Variants in SHISA9 observed in about 807,000 individuals in gnomAD.
SHISA9 encodes the protein protein shisa-9.
A neutral mutation model predicts 38.0 loss-of-function variants in SHISA9; 13 were observed. The observed-to-expected ratio is 0.34, with a 90% CI of 0.22 to 0.54. SHISA9 has a LOEUF of 0.54. SHISA9 is among the 20% of genes least tolerant of loss of function. SHISA9 has a pLI of 0.91. For synonymous variants in SHISA9, 275 were observed against 242.0 expected (o/e 1.14, Z -1.27); for missense variants, 538 against 575.8 (o/e 0.93, Z 0.67).
intron 2 of SHISA9, among the ~76,000 whole-genome samples, chr16:13,140,337 C>T (rs1302975094): frequency 1.3e-5 from 2 of 151,836 alleles, no homozygotes; most frequent in Non-Finnish European, 2.9e-5. Context: ...CCACCACAAC[C>T]AGCTAATTTT....
At chr16:13,360,243 C>G in the SHISA9 span, among the ~76,000 whole-genome samples, 5 of 152,312 alleles carry the variant, frequency 3.3e-5, no homozygotes, top group East Asian at 9.6e-4. Context: ...CAGCTCACCT[C>G]TAAATTTTGC....
At chr16:13,444,978 C>T in the SHISA9 span, among the ~76,000 whole-genome samples, 1 of 101,498 alleles carries the variant, frequency 9.9e-6, no homozygotes, top group South Asian at 4.3e-4. Context: ...ACCACCATGC[C>T]TAGCTATATA....
chr16:13,335,672 G>T, the SHISA9 span, among the ~76,000 whole-genome samples: 1 of 152,092 alleles, frequency 6.6e-6, no homozygotes, highest in Non-Finnish European at 1.5e-5. Context: ...CTGTCAAACT[G>T]CCTGGACAAC....
chr16:13,378,755 A>G, the SHISA9 span, among the ~76,000 whole-genome samples: 1 of 152,356 alleles, frequency 6.6e-6, no homozygotes, highest in East Asian at 1.9e-4. Context: ...TGAGTGCCCA[A>G]TAACCGATCA....
At chr16:13,182,494 A>C (rs1253236779) in intron 2 of SHISA9, among the ~76,000 whole-genome samples, 1 of 152,224 alleles carries the variant, frequency 6.6e-6, no homozygotes, top group Non-Finnish European at 1.5e-5. Flanking sequence ...CACTGAGTCA[A>C]AGGTATAAGG....
the SHISA9 span, among the ~76,000 whole-genome samples, chr16:13,434,424 T>TC: frequency 2.4e-4 from 30 of 127,368 alleles, 1 homozygote; most frequent in African/African-American, 8.6e-4. Context: ...GCTATGTTTT[T>TC]TTTTTTTTTT....
At chr16:13,101,810 A>C (rs2073881732) in intron 2 of SHISA9, among the ~76,000 whole-genome samples, 2 of 152,200 alleles carry the variant, frequency 1.3e-5, no homozygotes, top group South Asian at 4.1e-4. Context: ...TCTTTTTGAT[A>C]ATACCCATTC....
At chr16:13,005,343 T>A (rs189539559) in intron 2 of SHISA9, among the ~76,000 whole-genome samples, 1 of 152,278 alleles carries the variant, frequency 6.6e-6, no homozygotes, top group Admixed American at 6.5e-5. Context: ...TAAGGAAATA[T>A]AGAAGATGCT....
At chr16:13,045,763 T>C (rs56013801) in intron 2 of SHISA9, among the ~76,000 whole-genome samples, 93,918 of 151,530 alleles carry the variant, frequency 0.62, 29,767 homozygotes, top group Middle Eastern at 0.73. Context: ...CTGCCCCCAC[T>C]GTGTCCCCCA....
At chr16:12,924,176 G>T (rs767117536) in intron 2 of SHISA9, among the ~76,000 whole-genome samples, 1 of 152,130 alleles carries the variant, frequency 6.6e-6, no homozygotes, top group Non-Finnish European at 1.5e-5. Context: ...TTATTCCTTA[G>T]CACTGTAGTG....
the SHISA9 span, among the ~76,000 whole-genome samples, chr16:13,488,753 A>T: frequency 6.6e-6 from 1 of 152,092 alleles, no homozygotes; most frequent in Non-Finnish European, 1.5e-5. Context: ...TTATTTATTT[A>T]TTTTTAATTT....
At chr16:13,428,097 ATAC>A in the SHISA9 span, among the ~76,000 whole-genome samples, 1 of 152,258 alleles carries the variant, frequency 6.6e-6, no homozygotes, top group Non-Finnish European at 1.5e-5. Flanking sequence ...GAACATCAAC[ATAC>A]TGGCAAACAT....
At chr16:13,015,625 G>C (rs1369286204) in intron 2 of SHISA9, among the ~76,000 whole-genome samples, 1 of 152,132 alleles carries the variant, frequency 6.6e-6, no homozygotes, top group Non-Finnish European at 1.5e-5. Context: ...GTCAATGCTA[G>C]CGTAAAATTG....
the SHISA9 span, among the ~76,000 whole-genome samples, chr16:13,370,054 A>G: frequency 5.3e-5 from 8 of 152,198 alleles, no homozygotes; most frequent in African/African-American, 1.9e-4. Context: ...TTGTACCTGT[A>G]AAGCAATTGA....
chr16:12,906,950 T>G (rs527561255), intron 1 of SHISA9, among the ~76,000 whole-genome samples: 9 of 152,260 alleles, frequency 5.9e-5, no homozygotes, highest in African/African-American at 2.2e-4. Context: ...CTAACTTAGA[T>G]TGAACAATTA....
At chr16:13,013,177 G>A (rs1207605521) in intron 2 of SHISA9, among the ~76,000 whole-genome samples, 6 of 152,180 alleles carry the variant, frequency 3.9e-5, no homozygotes, top group Non-Finnish European at 7.4e-5. Context: ...CCCTGGGGCT[G>A]GAAGGCTTCC....
At chr16:13,272,321 C>G in the SHISA9 span, among the ~76,000 whole-genome samples, 1 of 152,088 alleles carries the variant, frequency 6.6e-6, no homozygotes, top group South Asian at 2.1e-4. Flanking sequence ...TGTACAATGA[C>G]CCTACAATGA....
At chr16:13,545,345 C>T in the SHISA9 span, among the ~76,000 whole-genome samples, 6 of 152,160 alleles carry the variant, frequency 3.9e-5, no homozygotes, top group African/African-American at 1.2e-4. Context: ...AAAAAGCAGA[C>T]GGAAATGCCA....
chr16:13,379,579 T>A, the SHISA9 span, among the ~76,000 whole-genome samples: 112,835 of 152,156 alleles, frequency 0.74, 42,407 homozygotes, highest in East Asian at 0.96. Flanking sequence ...TATATTTTTT[T>A]AAATGTGAAC....
Sources: gnomAD v4.1 joint callset for allele counts (sites outside exome capture counted in the v4.1 genomes callset) on GRCh38, gnomAD v4.1.1 for gene constraint, MANE v1.5 for transcripts, NCBI Gene and HGNC (gene_info 2026-07-23, HGNC 2026-07-21) for gene names.